Variants in SEC23IP observed in about 807,000 individuals in gnomAD.
The protein encoded by SEC23IP is SEC23 interacting protein.
Under a neutral mutation model 113.4 loss-of-function variants are expected in SEC23IP, and 70 were observed. The observed-to-expected ratio is 0.62, with a 90% CI of 0.51 to 0.75. The LOEUF (loss-of-function observed/expected upper bound fraction) is 0.75. SEC23IP is among the 30% of genes least tolerant of loss of function. The pLI, the probability that SEC23IP is intolerant of heterozygous loss-of-function variation, is 0.00. For missense variants in SEC23IP, 1,160 were observed against 1,204.9 expected (o/e 0.96, Z 0.55); for synonymous variants, 398 against 421.0 (o/e 0.95, Z 0.67).
Position 119,941,767 on chromosome 10 carries a change from T to C in SEC23IP, c.*1202T>C, listed in dbSNP as rs1855971712. 1 of 152,666 alleles carries C rather than the reference T, an allele frequency of 6.6e-6. No homozygotes were observed. The highest frequency in any genetic ancestry group is 1.5e-5 in the Non-Finnish European group (1 of 68,038). The allele number at this position is 152,666 out of a possible 1,614,324, so 9.5% of individuals were successfully genotyped here. A position where few individuals can be genotyped will look rare whatever the true frequency, so the allele number is the denominator to read the frequency against. ...GTATTTCTCTTGTCTTCCTTAAAAG[T>C]GTCCCCATGAACTCAGTGTTTATTC... On this transcript the variant is annotated 3_prime_UTR_variant, in exon 19 of 19. Transcript: ENST00000369075.
intron 6 of SEC23IP, among the ~76,000 whole-genome samples, chr10:119,913,068 A>G (rs1257942128): frequency 1.3e-5 from 2 of 151,974 alleles, no homozygotes; most frequent in Non-Finnish European, 2.9e-5. Context: ...ACCCCTTTTT[A>G]TCTTCACTTC....
Position 119,926,129 on chromosome 10 carries a change from C to T in SEC23IP, c.2215C>T (p.Pro739Ser), listed in dbSNP as rs779846019. 6.2e-7 allele frequency: 1 copy of T among 1,614,104 alleles called. No homozygotes were observed. The highest frequency in any genetic ancestry group is 8.5e-7 in the Non-Finnish European group (1 of 1,179,990). Residue 739 changes from proline (P) to serine (S), a missense_variant, in exon 13 of 19, where the codon CCC (proline) becomes TCC (serine). Pro to Ser is a moderately conservative substitution (Grantham distance 74). Transcript: ENST00000369075. ...GAAGACTAAAGACATGGCTTCCCTC[C>T]CCTCAGAATCCAATGAGCCAAAGAG... is the stretch of plus-strand genomic sequence containing the variant. ...AQKTKDMASL[P>S]SESNEPKRKL... is the part of the protein sequence containing the mutation.
At chr10:119,929,469 C>G (rs891966184) in intron 13 of SEC23IP, 138 bp from the exon 14 acceptor site, 11 of 651,510 alleles carry the variant, frequency 1.7e-5, no homozygotes, top group Non-Finnish European at 3.0e-5. Context: ...CTCCTGATCT[C>G]GTGATCCGCC....
chr10:119,895,940 G>A (rs1329955731), intron 1 of SEC23IP, among the ~76,000 whole-genome samples: 1 of 152,214 alleles, frequency 6.6e-6, no homozygotes, highest in Non-Finnish European at 1.5e-5. Flanking sequence ...TTCATCTTGT[G>A]GGGTGTTGGG....
At chr10:119,916,383 T>A (rs1855053152) in intron 8 of SEC23IP, among the ~76,000 whole-genome samples, 1 of 152,210 alleles carries the variant, frequency 6.6e-6, no homozygotes, top group African/African-American at 2.4e-5. Flanking sequence ...CTAGCAGTGC[T>A]CACCAGGCAC....
At chr10:119,902,683 T>C in intron 2 of SEC23IP, 116 bp from the exon 3 acceptor site, 1 of 827,344 alleles carries the variant, frequency 1.2e-6, no homozygotes, top group Admixed American at 2.3e-5. Flanking sequence ...GTTATTACAC[T>C]AAGTAATTGT....
chr10:119,914,902 C>A (rs567543179), intron 7 of SEC23IP, 83 bp downstream of exon 7: 1 of 1,296,802 alleles, frequency 7.7e-7, no homozygotes, highest in South Asian at 1.2e-5. Context: ...TAGGATAGTT[C>A]CCAGCTGTGT....
chr10:119,922,207 C>T (rs1855271397), intron 12 of SEC23IP, among the ~76,000 whole-genome samples: 2 of 152,084 alleles, frequency 1.3e-5, no homozygotes, highest in Non-Finnish European at 2.9e-5. Flanking sequence ...GAGAAGACTT[C>T]TCCAAGGTGA....
At chr10:119,929,180 G>A (rs1340162963) in intron 13 of SEC23IP, among the ~76,000 whole-genome samples, 2 of 152,120 alleles carry the variant, frequency 1.3e-5, no homozygotes, top group Non-Finnish European at 1.5e-5. Flanking sequence ...ATATGTAAAA[G>A]TATAGCCAGA....
At chr10:119,894,770 C>T (rs560623440) in intron 1 of SEC23IP, among the ~76,000 whole-genome samples, 2 of 152,128 alleles carry the variant, frequency 1.3e-5, no homozygotes, top group East Asian at 1.9e-4. Context: ...TGGTTATGTC[C>T]GTCTTCCTTG....
Position 119,929,738 on chromosome 10 carries a change from AG to A in SEC23IP, c.2448del (p.Phe817SerfsTer15). ...AGAATTACAGCCTTCCTACCTGTAA[AG>A]GGTTCTTCAATATTTATCATCCGGT... ...DENYSLPTCK[G>X]FFNIYHPLDP... On this transcript the variant is annotated frameshift_variant, in exon 14 of 19. Coordinates refer to ENST00000369075, the MANE Select transcript of SEC23IP (RefSeq NM_007190.4). LOFTEE classifies it high-confidence loss of function. The A allele has an allele frequency of 1.9e-6, 3 of 1,596,694 alleles. No individual in the cohort carries two copies. Among genetic ancestry groups the A allele is most frequent in the South Asian group, 1.1e-5 (1 of 89,836 alleles).
Position 119,922,011 on chromosome 10 carries a change from T to A in SEC23IP, c.2121+1027T>A, listed in dbSNP as rs141874822. On this transcript the variant is annotated intron_variant, in intron 12 of 18. Transcript: ENST00000369075. ...TTTATTGAATAGCAGCTACCTCTTT[T>A]GAGTCAGGCACTGTGTTCAATTCTT... Among the ~76,000 whole-genome samples, 103 of 152,318 alleles carry A rather than the reference T, an allele frequency of 6.8e-4. 1 individual carries two copies. The highest frequency in any genetic ancestry group is 2.9e-3 in the Admixed American group (44 of 15,294).
intron 11 of SEC23IP, 66 bp downstream of exon 11, chr10:119,919,662 A>G (rs562277646): frequency 2.2e-6 from 3 of 1,336,316 alleles, no homozygotes; most frequent in Non-Finnish European, 3.0e-6. Context: ...AAAATTAAGA[A>G]TAAACATTTT....
Position 119,898,927 on chromosome 10 carries a change from A to T in SEC23IP, c.664A>T (p.Met222Leu), listed in dbSNP as rs1179860627. 2 of 1,596,650 alleles carry T rather than the reference A, an allele frequency of 1.3e-6. No individual in the cohort carries two copies. The highest frequency in any genetic ancestry group is 3.4e-5 in the Admixed American group (2 of 59,412). ...TCCACCTTCTGGACCCCCTGTTCAG[A>T]TGTACCAGATGCCTCCAGGATCTTT... is the stretch of plus-strand genomic sequence containing the variant. ...HPPPSGPPVQ[M>L]YQMPPGSLPP... The change falls in exon 2 of 19, where the codon ATG becomes TTG. Residue 222 changes from methionine to leucine, a missense_variant. Transcript: ENST00000369075.
At chr10:119,921,211 G>A (rs979657014) in intron 12 of SEC23IP, among the ~76,000 whole-genome samples, 5 of 152,212 alleles carry the variant, frequency 3.3e-5, no homozygotes, top group African/African-American at 1.2e-4. Context: ...TTCCTAGGAT[G>A]AAGGGCTTTC....
chr10:119,939,235 C>T (rs914835944), intron 18 of SEC23IP, among the ~76,000 whole-genome samples: 2 of 151,090 alleles, frequency 1.3e-5, no homozygotes, highest in Non-Finnish European at 2.9e-5. Flanking sequence ...GGGAGGATTG[C>T]TGGAGTTCGG....
intron 13 of SEC23IP, among the ~76,000 whole-genome samples, 166 bp from the exon 14 acceptor site, chr10:119,929,441 A>G (rs1441590981): frequency 4.6e-5 from 7 of 152,226 alleles, no homozygotes; most frequent in Non-Finnish European, 1.0e-4. Flanking sequence ...TCACTGTGTT[A>G]GCCAGGATGG....
In SEC23IP at chr10:119,914,692, C is replaced by G. The variant is rs751091747; in HGVS notation, c.1313-38C>G. ...GCCATTAGGAAAATCCAAACAAATT[C>G]CCATCTTTTATGTAGGTTTAAAAAT... On this transcript the variant is annotated intron_variant, in intron 6 of 18. Transcript: ENST00000369075. The G allele has an allele frequency of 2.0e-6, 3 of 1,532,324 alleles. No homozygotes were observed. The African/African-American group carries it at 4.1e-5, about 21-fold the overall frequency. The allele number at this position is 1,532,324 out of a possible 1,614,324, so 94.9% of individuals were successfully genotyped here. A position where few individuals can be genotyped will look rare whatever the true frequency, so the allele number is the denominator to read the frequency against.
Position 119,898,858 on chromosome 10 carries a change from C to A in SEC23IP, c.595C>A (p.Pro199Thr), listed in dbSNP as rs777262288. 1.9e-6 allele frequency: 3 copies of A among 1,611,578 alleles called. No individual in the cohort carries two copies. The highest frequency in any genetic ancestry group is 2.2e-5 in the South Asian group (2 of 91,084). Residue 199 changes from proline (P) to threonine (T), a missense_variant, in exon 2 of 19, where the codon CCC (proline) becomes ACC (threonine). Pro to Thr is a conservative substitution (Grantham distance 38). Transcript: ENST00000369075. ...CAGGGCTAATCCTTACATTGCACCA[C>A]CCCAGCTGCAGCAGTGCCAAACACC... ...SSRANPYIAPPQLQQCQTPGP... is the reference protein window; with the variant it reads ...SSRANPYIAPTQLQQCQTPGP...
Sources: allele counts gnomAD v4.1 joint callset (sites outside exome capture counted in the v4.1 genomes callset), GRCh38; gene constraint gnomAD v4.1.1; transcripts MANE v1.5; gene names NCBI Gene and HGNC (gene_info 2026-07-23, HGNC 2026-07-21).